Variants in SLC41A2 observed in about 807,000 individuals in gnomAD.
SLC41A2 encodes solute carrier family 41 member 2.
A neutral mutation model predicts 58.3 loss-of-function variants in SLC41A2; 32 were observed. That is an observed-to-expected ratio of 0.55 (90% CI 0.41 to 0.74). The LOEUF (loss-of-function observed/expected upper bound fraction) is 0.74, where lower values mean the gene tolerates loss of function less well. Ranked by LOEUF, SLC41A2 falls within the 30% of genes least tolerant of loss-of-function variation. The pLI, the probability that SLC41A2 is intolerant of heterozygous loss-of-function variation, is 0.00. For synonymous variants in SLC41A2, 190 were observed against 235.0 expected, an observed-to-expected ratio of 0.81 and a Z score of 1.75; for missense variants, 514 against 680.6, an observed-to-expected ratio of 0.76 and a Z score of 2.72.
intron 9 of SLC41A2, among the ~76,000 whole-genome samples, chr12:104,845,079 T>G (rs1334526820): frequency 6.6e-6 from 1 of 151,654 alleles, no homozygotes; most frequent in Non-Finnish European, 1.5e-5. Flanking sequence ...AGGCCAGGAG[T>G]TCAAGACCAG....
chr12:104,915,875 T>C (rs953314492), intron 2 of SLC41A2, among the ~76,000 whole-genome samples: 2 of 152,222 alleles, frequency 1.3e-5, no homozygotes, highest in African/African-American at 4.8e-5. Flanking sequence ...CTTCCAGTTT[T>C]TGCCCATTCA....
chr12:104,916,681 CT>C (rs2046338148), intron 2 of SLC41A2, among the ~76,000 whole-genome samples: 1 of 152,164 alleles, frequency 6.6e-6, no homozygotes, highest in Non-Finnish European at 1.5e-5. Flanking sequence ...ATATCTACAA[CT>C]ATCTGATCTT....
At chr12:104,884,546 C>T (rs2044560452) in intron 6 of SLC41A2, among the ~76,000 whole-genome samples, 2 of 152,176 alleles carry the variant, frequency 1.3e-5, no homozygotes, top group African/African-American at 4.8e-5. Flanking sequence ...ATCCCTACCC[C>T]CACCCTCTAT....
Position 104,806,131 on chromosome 12 carries a change from G to A in SLC41A2, c.1537-794C>T, listed in dbSNP as rs547770010. On this transcript the variant is annotated intron_variant, in intron 10 of 10. Coordinates refer to ENST00000258538, the MANE Select transcript of SLC41A2 (RefSeq NM_001352171.3). ...CACAACGTGCAGGTTTGTTACGTAT[G>A]TATACATGTGCCATGTTGGTGTGCT... Among the ~76,000 whole-genome samples, 22 of 152,220 alleles carry A rather than the reference G, an allele frequency of 1.4e-4. No homozygotes were observed. The South Asian group carries it at 4.6e-3, about 32-fold the overall frequency.
rs1312941120 is a variant in SLC41A2 at position 104,918,554 on chromosome 12, T to C, written c.556-8792A>G. On this transcript the variant is annotated intron_variant, in intron 2 of 10. Transcript: ENST00000258538. ...GAAGAGCAACATTATAGAGTGTTAC[T>C]TAGTTTTTGTTTTTTAGAAAATATA... is the stretch of plus-strand genomic sequence containing the variant. Among the ~76,000 whole-genome samples the C allele has an allele frequency of 2.0e-5, 3 of 151,546 alleles. No individual in the cohort carries two copies. The East Asian group carries it at 5.8e-4, about 29-fold the overall frequency.
intron 10 of SLC41A2, among the ~76,000 whole-genome samples, chr12:104,823,446 GAAGA>G (rs751569853): frequency 5.3e-5 from 8 of 152,042 alleles, no homozygotes; most frequent in African/African-American, 9.7e-5. Context: ...CAGTGGAACA[GAAGA>G]AAGTCTAGAA....
At chr12:104,942,094 A>C (rs184263342) in intron 1 of SLC41A2, among the ~76,000 whole-genome samples, 79 of 152,310 alleles carry the variant, frequency 5.2e-4, no homozygotes, top group African/African-American at 1.8e-3. Context: ...CAAAAAAAAG[A>C]GGTATATTTA....
rs117880355 is a variant in SLC41A2, at chr12:104,933,402, G to A, written c.-167-4708C>T. ...CAATAGATGTTATCATGGATGTGGTGAAAAGAGAATGTTTATATACTGCTG... is the reference window on the plus strand; with the variant it reads ...CAATAGATGTTATCATGGATGTGGTAAAAAGAGAATGTTTATATACTGCTG... On this transcript the variant is annotated intron_variant, in intron 1 of 10. Coordinates refer to ENST00000258538, the MANE Select transcript of SLC41A2 (RefSeq NM_001352171.3). 2.4e-3 allele frequency among the ~76,000 whole-genome samples: 366 copies of A among 152,316 alleles called. 13 individuals are homozygous for A. The East Asian group carries it at 0.06, about 25-fold the overall frequency.
chr12:104,904,956 G>T (rs1048001806), intron 3 of SLC41A2, among the ~76,000 whole-genome samples: 3 of 152,060 alleles, frequency 2.0e-5, no homozygotes, highest in East Asian at 3.9e-4. Context: ...ATGCTGGCTC[G>T]GGTAGCCTGC....
chr12:104,935,720 C>T (rs965350071), intron 1 of SLC41A2, among the ~76,000 whole-genome samples: 2 of 152,094 alleles, frequency 1.3e-5, no homozygotes, highest in African/African-American at 4.8e-5. Flanking sequence ...TGATGGTGGT[C>T]CCATAAGATT....
At chr12:104,852,146 G>A (rs975152905) in intron 8 of SLC41A2, among the ~76,000 whole-genome samples, 3 of 152,128 alleles carry the variant, frequency 2.0e-5, no homozygotes, top group Admixed American at 6.5e-5. Context: ...AAACAGCTTT[G>A]TAATCTTTCT....
intron 6 of SLC41A2, 123 bp downstream of exon 6, chr12:104,886,169 TA>T: frequency 1.0e-6 from 1 of 953,472 alleles, no homozygotes; most frequent in Non-Finnish European, 1.5e-6. Context: ...ATAGTTATCC[TA>T]ATCAGTCTCA....
At chr12:104,893,225 T>TA (rs2045105743) in intron 4 of SLC41A2, among the ~76,000 whole-genome samples, 1 of 152,168 alleles carries the variant, frequency 6.6e-6, no homozygotes, top group Non-Finnish European at 1.5e-5. Flanking sequence ...AAAGAAGACA[T>TA]ACAAATGGTA....
At chr12:104,841,591 G>A (rs916158243) in intron 10 of SLC41A2, among the ~76,000 whole-genome samples, 3 of 151,980 alleles carry the variant, frequency 2.0e-5, no homozygotes, top group African/African-American at 7.2e-5. Context: ...GTATTCACAG[G>A]GTACTTTGGG....
At chr12:104,831,915 T>A in intron 10 of SLC41A2, among the ~76,000 whole-genome samples, 1 of 152,156 alleles carries the variant, frequency 6.6e-6, no homozygotes, top group East Asian at 1.9e-4. Context: ...AAAAACAATA[T>A]TCATTTTATA....
At chr12:104,815,075 CA>C (rs750508810) in intron 10 of SLC41A2, among the ~76,000 whole-genome samples, 8 of 152,086 alleles carry the variant, frequency 5.3e-5, no homozygotes, top group Non-Finnish European at 1.0e-4. Flanking sequence ...TCTTCCCGTG[CA>C]ATTTATTTTT....
At chr12:104,930,561 A>C (rs7300730) in intron 1 of SLC41A2, among the ~76,000 whole-genome samples, 3,500 of 152,354 alleles carry the variant, frequency 0.023, 42 homozygotes, top group South Asian at 0.05. Context: ...TTGAGCTATA[A>C]GACAGGTCTA....
intron 3 of SLC41A2, among the ~76,000 whole-genome samples, chr12:104,903,200 C>T (rs2045639883): frequency 6.6e-6 from 1 of 152,154 alleles, no homozygotes; most frequent in Admixed American, 6.5e-5. Context: ...ATTATTGCAA[C>T]AGACTCCCTG....
intron 2 of SLC41A2, among the ~76,000 whole-genome samples, chr12:104,914,132 G>A (rs902606468): frequency 2.6e-5 from 4 of 152,036 alleles, no homozygotes; most frequent in South Asian, 2.1e-4. Flanking sequence ...CTCAGTTCAC[G>A]GCACGCTTAG....
Sources: gnomAD v4.1 joint callset for allele counts (sites outside exome capture counted in the v4.1 genomes callset) on GRCh38, gnomAD v4.1.1 for gene constraint, MANE v1.5 for transcripts, NCBI Gene and HGNC (gene_info 2026-07-23, HGNC 2026-07-21) for gene names.